COL19A1: variants seen among roughly 807,000 people sequenced by gnomAD.
COL19A1 encodes collagen alpha-1(XIX) chain.
COL19A1 carries 159 observed loss-of-function variants against 190.2 expected under a neutral mutation model. The observed-to-expected ratio is 0.84, with a 90% CI of 0.73 to 0.95. COL19A1 has a LOEUF of 0.95. Ranked by LOEUF, COL19A1 falls within the 40% of genes least tolerant of loss-of-function variation. COL19A1 has a pLI of 0.00. For synonymous variants in COL19A1, 509 were observed against 458.9 expected (o/e 1.11, Z -1.39); for missense variants, 1,418 against 1,431.9 (o/e 0.99, Z 0.16).
At chr6:70,071,260 C>T (rs2150153458) in intron 15 of COL19A1, among the ~76,000 whole-genome samples, 1 of 4,340 alleles carries the variant, frequency 2.3e-4, no homozygotes, top group South Asian at 0.05. Flanking sequence ...TCAATGAATT[C>T]TTTTTCTTTT....
intron 15 of COL19A1, among the ~76,000 whole-genome samples, chr6:70,087,535 A>C (rs1404183745): frequency 6.6e-6 from 1 of 152,172 alleles, no homozygotes; most frequent in Non-Finnish European, 1.5e-5. Flanking sequence ...GGAAAGGCAG[A>C]GCACAGCCTT....
intron 49 of COL19A1, among the ~76,000 whole-genome samples, chr6:70,205,779 G>T (rs2150311654): frequency 6.6e-6 from 1 of 152,288 alleles, no homozygotes; most frequent in Non-Finnish European, 1.5e-5. Context: ...TACTCTTGTA[G>T]CTCAGCCAAT....
At chr6:69,985,040 C>G (rs904844577) in intron 11 of COL19A1, among the ~76,000 whole-genome samples, 1 of 152,088 alleles carries the variant, frequency 6.6e-6, no homozygotes, top group Non-Finnish European at 1.5e-5. Flanking sequence ...CAAAATGTCT[C>G]CCTACCCACT....
chr6:70,157,192 T>C (rs1330213900), intron 34 of COL19A1, among the ~76,000 whole-genome samples: 1 of 152,108 alleles, frequency 6.6e-6, no homozygotes, highest in Non-Finnish European at 1.5e-5. Flanking sequence ...TCTGTGTCTT[T>C]GCTCAGCTTT....
At chr6:69,954,004 C>A (rs1053208968) in intron 9 of COL19A1, among the ~76,000 whole-genome samples, 1 of 151,940 alleles carries the variant, frequency 6.6e-6, no homozygotes, top group Non-Finnish European at 1.5e-5. Flanking sequence ...TCTAAAGGAG[C>A]TTTTAGCCAG....
intron 15 of COL19A1, among the ~76,000 whole-genome samples, chr6:70,091,800 C>A (rs140886054): frequency 2.6e-5 from 4 of 152,238 alleles, no homozygotes; most frequent in African/African-American, 9.6e-5. Context: ...GGGTCACCAG[C>A]TTTCCCAGGA....
At chr6:69,998,121 A>G (rs1046477604) in intron 11 of COL19A1, among the ~76,000 whole-genome samples, 1 of 152,216 alleles carries the variant, frequency 6.6e-6, no homozygotes, top group Non-Finnish European at 1.5e-5. Context: ...TCTGTCTTCA[A>G]TGAAACTATC....
chr6:70,076,749 T>C (rs1781906897), intron 15 of COL19A1, among the ~76,000 whole-genome samples: 1 of 152,232 alleles, frequency 6.6e-6, no homozygotes, highest in South Asian at 2.1e-4. Flanking sequence ...ACAGGTGTTC[T>C]ATGAAGGAGT....
At chr6:70,031,712 A>G (rs1779084747) in intron 12 of COL19A1, among the ~76,000 whole-genome samples, 1 of 152,104 alleles carries the variant, frequency 6.6e-6, no homozygotes, top group Non-Finnish European at 1.5e-5. Flanking sequence ...TCATCTGTTG[A>G]TGGACACAGA....
chr6:70,017,705 T>C (rs1395868252), intron 11 of COL19A1, among the ~76,000 whole-genome samples: 2 of 152,000 alleles, frequency 1.3e-5, no homozygotes, highest in African/African-American at 4.8e-5. Flanking sequence ...TAAATGCAGC[T>C]ACAGAGGTAG....
At chr6:69,997,885 C>T (rs112916163) in intron 11 of COL19A1, among the ~76,000 whole-genome samples, 3,339 of 152,066 alleles carry the variant, frequency 0.022, 103 homozygotes, top group African/African-American at 0.067. Flanking sequence ...CTTTAGAGAA[C>T]TCCAAGTAGA....
intron 4 of COL19A1, among the ~76,000 whole-genome samples, chr6:69,909,228 A>G (rs1324226866): frequency 6.6e-6 from 1 of 152,118 alleles, no homozygotes; most frequent in African/African-American, 2.4e-5. Flanking sequence ...ATTTCTGAGG[A>G]AAAAAGGAGT....
At chr6:70,034,319 A>C in intron 13 of COL19A1, 21 bp downstream of exon 13, 1 of 1,602,806 alleles carries the variant, frequency 6.2e-7, no homozygotes, top group Non-Finnish European at 8.5e-7. Flanking sequence ...TACCCAGCCA[A>C]GCCCAACCTT....
At chr6:70,205,471 A>G (rs1355865468) in intron 49 of COL19A1, among the ~76,000 whole-genome samples, 1 of 152,192 alleles carries the variant, frequency 6.6e-6, no homozygotes, top group Non-Finnish European at 1.5e-5. Flanking sequence ...GCACAACTAA[A>G]TCACAGCCTA....
At chr6:69,984,165 A>T (rs1352554180) in intron 11 of COL19A1, among the ~76,000 whole-genome samples, 1 of 152,044 alleles carries the variant, frequency 6.6e-6, no homozygotes, top group African/African-American at 2.4e-5. Flanking sequence ...AAAATTTGAA[A>T]TTTTTGCTCC....
chr6:70,086,097 A>G (rs192613178), intron 15 of COL19A1, among the ~76,000 whole-genome samples: 1 of 152,302 alleles, frequency 6.6e-6, no homozygotes, highest in Non-Finnish European at 1.5e-5. Flanking sequence ...CCCAGTATAC[A>G]CAACCTCAAA....
At chr6:69,927,836 A>C (rs1415659563) in intron 4 of COL19A1, 73 bp from the exon 5 acceptor site, 2 of 1,525,658 alleles carry the variant, frequency 1.3e-6, no homozygotes, top group African/African-American at 2.8e-5. Context: ...TGTTACACAG[A>C]ACTTTATACC....
intron 48 of COL19A1, among the ~76,000 whole-genome samples, chr6:70,196,583 T>A (rs988766042): frequency 6.6e-6 from 1 of 152,228 alleles, no homozygotes; most frequent in Non-Finnish European, 1.5e-5. Context: ...TTCTCTAAAA[T>A]ACGTAGTTTA....
In COL19A1 at chr6:70,109,541, AGTGTGTGTGTGTGTGT is replaced by A. The variant is rs60219800; in HGVS notation, c.1278+7346_1278+7361del. ...TAACCAGTTACATCTCCGTTTTGTAAGTGTGTGTGTGTGTGTGTGTGTGTGTGTGTGTGTGTGTGTG... is the reference window on the plus strand; with the variant it reads ...TAACCAGTTACATCTCCGTTTTGTAAGTGTGTGTGTGTGTGTGTGTGTGTG... On this transcript the variant is annotated intron_variant, in intron 16 of 50. Transcript: ENST00000620364. Among the ~76,000 whole-genome samples, 569 of 143,984 alleles carry A rather than the reference AGTGTGTGTGTGTGTGT, an allele frequency of 4.0e-3. 1 individual carries two copies. The highest frequency in any genetic ancestry group is 6.9e-3 in the Non-Finnish European group (451 of 65,226). The allele number at this position is 143,984 out of a possible 152,430, so 94.5% of individuals were successfully genotyped here.
Sources: gnomAD v4.1 joint callset for allele counts (sites outside exome capture counted in the v4.1 genomes callset) on GRCh38, gnomAD v4.1.1 for gene constraint, MANE v1.5 for transcripts, NCBI Gene and HGNC (gene_info 2026-07-23, HGNC 2026-07-21) for gene names.